FHL1: variants seen among roughly 807,000 people sequenced by gnomAD.
FHL1 encodes four and a half LIM domains 1.
Under a neutral mutation model 20.3 loss-of-function variants are expected in FHL1, and 1 was observed. The ratio of observed to expected loss-of-function variants is 0.05; its 90% confidence interval spans 0.02 to 0.23. The LOEUF (loss-of-function observed/expected upper bound fraction) is 0.23. Ranked by LOEUF, FHL1 falls within the 10% of genes least tolerant of loss-of-function variation. The pLI, the probability that FHL1 is intolerant of heterozygous loss-of-function variation, is 1.00. For synonymous variants in FHL1, 82 were observed against 88.9 expected (o/e 0.92, Z 0.44); for missense variants, 177 against 234.0 (o/e 0.76, Z 1.59).
chrX:136,191,985 T>A (rs1371580765), intron 2 of FHL1, among the ~76,000 whole-genome samples: 1 of 111,858 alleles, frequency 8.9e-6, no homozygotes, highest in African/African-American at 3.3e-5. Context: ...AATATGGAAA[T>A]AAAACAGATA....
intron 1 of FHL1, 188 bp from the exon 2 acceptor site, chrX:136,206,219 C>G (rs1440622894): frequency 1.9e-6 from 1 of 525,951 alleles, no homozygotes. Context: ...TGCTTTTGTT[C>G]CTGGAATCAT....
intron 1 of FHL1, 200 bp from the exon 2 acceptor site, chrX:136,206,207 G>A: frequency 2.0e-6 from 1 of 492,831 alleles, no homozygotes; most frequent in Non-Finnish European, 3.5e-6. Flanking sequence ...GGCCCCGCGG[G>A]GTGCTTTTGT....
chrX:136,186,736 TC>T (rs1378928676), intron 2 of FHL1, among the ~76,000 whole-genome samples: 1 of 108,498 alleles, frequency 9.2e-6, no homozygotes, highest in East Asian at 2.9e-4. Flanking sequence ...CACCTTTAGT[TC>T]CAGCTACTCA....
chrX:136,164,316 C>T (rs147787906), intron 1 of FHL1, among the ~76,000 whole-genome samples: 175 of 108,376 alleles, frequency 1.6e-3, no homozygotes, highest in Non-Finnish European at 2.9e-3. Context: ...AAGTGATTCT[C>T]GTGTCTCGGC....
intron 1 of FHL1, among the ~76,000 whole-genome samples, chrX:136,163,196 C>T (rs2072621946): frequency 2.7e-5 from 3 of 112,293 alleles, no homozygotes; most frequent in African/African-American, 9.7e-5. Flanking sequence ...ACATGAAAAC[C>T]GTAGCAGGCA....
At chrX:136,208,968 G>A (rs1320877823) in intron 5 of FHL1, among the ~76,000 whole-genome samples, 2 of 102,581 alleles carry the variant, frequency 1.9e-5, no homozygotes, top group African/African-American at 7.1e-5. Context: ...AAGGGGGTGG[G>A]GGAGGGTGGG....
At chrX:136,195,636 A>G (rs1385555720), upstream of FHL1, among the ~76,000 whole-genome samples, 1 of 112,262 alleles carries the variant, frequency 8.9e-6, no homozygotes, top group Non-Finnish European at 1.9e-5. Flanking sequence ...TACTGATGTC[A>G]GTTGTCTTTT....
At chrX:136,185,320 T>A (rs1461186326) in intron 2 of FHL1, among the ~76,000 whole-genome samples, 1 of 111,837 alleles carries the variant, frequency 8.9e-6, no homozygotes, top group African/African-American at 3.2e-5. Context: ...GAATTAAAAT[T>A]AATTAGGTCT....
chrX:136,187,471 A>G (rs1241877090), intron 2 of FHL1, among the ~76,000 whole-genome samples: 1 of 112,595 alleles, frequency 8.9e-6, no homozygotes, highest in East Asian at 2.7e-4. Flanking sequence ...TTCAGCCATA[A>G]AGAGAACTGA....
At chrX:136,147,109 C>T, upstream of FHL1, 2 of 245,245 alleles carry the variant, frequency 8.2e-6, no homozygotes, top group Non-Finnish European at 1.5e-5. Context: ...TGATTCGTGA[C>T]TCCCGCAGGC....
intron 2 of FHL1, among the ~76,000 whole-genome samples, chrX:136,191,671 C>T (rs964898110): frequency 5.4e-5 from 6 of 112,115 alleles, no homozygotes; most frequent in Admixed American, 4.7e-4. Flanking sequence ...AAAGATAGAT[C>T]GTATGTTACT....
intron 1 of FHL1, among the ~76,000 whole-genome samples, chrX:136,157,340 C>T (rs763323730): frequency 2.7e-5 from 3 of 111,226 alleles, no homozygotes; most frequent in South Asian, 7.6e-4. Flanking sequence ...TTCCAATGCA[C>T]TAAGCACAGC....
At chrX:136,182,501 A>T (rs1250648692) in intron 2 of FHL1, among the ~76,000 whole-genome samples, 2 of 112,472 alleles carry the variant, frequency 1.8e-5, no homozygotes, top group Non-Finnish European at 3.8e-5. Flanking sequence ...TTATGTGGAA[A>T]GCACGCCCTA....
At chrX:136,197,279 T>C in intron 1 of FHL1, 145 bp downstream of exon 1, 1 of 544,414 alleles carries the variant, frequency 1.8e-6, no homozygotes, top group Non-Finnish European at 3.0e-6. Context: ...CTGTTTTGCC[T>C]TTGCCTTTCA....
At chrX:136,202,007 T>C (rs1320811346) in intron 1 of FHL1, among the ~76,000 whole-genome samples, 2 of 112,263 alleles carry the variant, frequency 1.8e-5, no homozygotes, top group Non-Finnish European at 3.8e-5. Context: ...TAAAAAATTA[T>C]TCCCTAAGAA....
At chrX:136,191,023 C>G (rs941743307) in intron 2 of FHL1, among the ~76,000 whole-genome samples, 3 of 111,732 alleles carry the variant, frequency 2.7e-5, no homozygotes, top group African/African-American at 3.3e-5. Context: ...GGAGCCTATA[C>G]TCTGTCCTTA....
chrX:136,180,941 C>T (rs1012409914), intron 2 of FHL1, among the ~76,000 whole-genome samples: 2 of 111,653 alleles, frequency 1.8e-5, no homozygotes, highest in Admixed American at 1.9e-4. Context: ...GGGGTTTTGC[C>T]ATGTTGGCCA....
intron 2 of FHL1, among the ~76,000 whole-genome samples, chrX:136,189,321 T>G (rs1026922070): frequency 2.7e-5 from 3 of 111,627 alleles, no homozygotes; most frequent in African/African-American, 9.8e-5. Context: ...CTGACCCATG[T>G]TGAGTCCACA....
intron 2 of FHL1, among the ~76,000 whole-genome samples, chrX:136,190,662 A>G (rs941809489): frequency 2.7e-5 from 3 of 111,349 alleles, no homozygotes; most frequent in African/African-American, 9.8e-5. Context: ...ACCCAGCTTA[A>G]CCTCTGTTGA....
Sources: gnomAD v4.1 joint callset for allele counts (sites outside exome capture counted in the v4.1 genomes callset) on GRCh38, gnomAD v4.1.1 for gene constraint, MANE v1.5 for transcripts, NCBI Gene and HGNC (gene_info 2026-07-23, HGNC 2026-07-21) for gene names.